ACVR1: variants seen among roughly 807,000 people sequenced by gnomAD.
ACVR1 encodes the protein activin receptor type-1.
ACVR1 carries 38 observed loss-of-function variants against 57.1 expected under a neutral mutation model. That is an observed-to-expected ratio of 0.67 (90% CI 0.51 to 0.87). The LOEUF is 0.87. Among genes scored for constraint, ACVR1 ranks in the 40% least tolerant of loss-of-function variants. The pLI, the probability that ACVR1 is intolerant of heterozygous loss-of-function variation, is 0.00. For synonymous variants in ACVR1, 212 were observed against 228.1 expected (o/e 0.93, Z 0.63); for missense variants, 463 against 638.2 (o/e 0.73, Z 2.96).
chr2:157,832,260 C>A (rs1354396587), intron 1 of ACVR1, among the ~76,000 whole-genome samples: 1 of 152,124 alleles, frequency 6.6e-6, no homozygotes, highest in Non-Finnish European at 1.5e-5. Context: ...AAATCACCGC[C>A]AACTTCAGAC....
chr2:157,826,770 GGAAA>G (rs1688385726), intron 1 of ACVR1: 4 of 71,756 alleles, frequency 5.6e-5, no homozygotes, highest in Admixed American at 3.3e-4. Flanking sequence ...GGAAAGGAAA[GGAAA>G]GGAAAGGAAA....
intron 9 of ACVR1, among the ~76,000 whole-genome samples, chr2:157,741,636 A>G (rs1429999158): frequency 6.6e-6 from 1 of 151,934 alleles, no homozygotes; most frequent in African/African-American, 2.4e-5. Context: ...AAAAGAAAAA[A>G]AAAAAAGAAA....
chr2:157,853,774 C>G (rs761727584), intron 1 of ACVR1, among the ~76,000 whole-genome samples: 15 of 152,194 alleles, frequency 9.9e-5, no homozygotes, highest in Non-Finnish European at 2.2e-4. Flanking sequence ...AGCTACAGTT[C>G]AACTAAACTA....
chr2:157,819,034 C>T (rs1393931349), intron 1 of ACVR1, among the ~76,000 whole-genome samples: 2 of 144,686 alleles, frequency 1.4e-5, no homozygotes, highest in Non-Finnish European at 3.0e-5. Flanking sequence ...GCCGAGATCC[C>T]GCCACTGCAC....
intron 5 of ACVR1, among the ~76,000 whole-genome samples, chr2:157,774,569 G>A (rs1686203659): frequency 6.6e-6 from 1 of 152,004 alleles, no homozygotes. Context: ...TCTCCATGTT[G>A]GTCAGGCTGG....
At chr2:157,840,566 T>C (rs1246028912) in intron 1 of ACVR1, among the ~76,000 whole-genome samples, 1 of 152,248 alleles carries the variant, frequency 6.6e-6, no homozygotes, top group Non-Finnish European at 1.5e-5. Context: ...CAAATCTAGA[T>C]ATTTGACCTG....
At chr2:157,814,126 G>A (rs934737815) in intron 2 of ACVR1, among the ~76,000 whole-genome samples, 8 of 152,160 alleles carry the variant, frequency 5.3e-5, no homozygotes, top group African/African-American at 1.9e-4. Context: ...ATTGTTGCTT[G>A]AATAAATTGG....
At chr2:157,738,043 A>G (rs1374645289) in intron 10 of ACVR1, among the ~76,000 whole-genome samples, 1 of 152,210 alleles carries the variant, frequency 6.6e-6, no homozygotes, top group East Asian at 1.9e-4. Flanking sequence ...GTAGCAATAC[A>G]GGATCTTCAG....
At chr2:157,811,563 C>G (rs576044226) in intron 2 of ACVR1, among the ~76,000 whole-genome samples, 32 of 152,308 alleles carry the variant, frequency 2.1e-4, no homozygotes, top group South Asian at 6.2e-4. Flanking sequence ...CAAAAATAAG[C>G]AGCCTTATTT....
At chr2:157,863,828 G>A (rs183734204) in intron 1 of ACVR1, among the ~76,000 whole-genome samples, 1 of 151,578 alleles carries the variant, frequency 6.6e-6, no homozygotes, top group Admixed American at 6.6e-5. Flanking sequence ...CTTTTAACTT[G>A]GAATCCAAAT....
chr2:157,838,095 CT>C (rs1559086829), intron 1 of ACVR1: 2 of 152,102 alleles, frequency 1.3e-5, no homozygotes, highest in African/African-American at 4.8e-5. Flanking sequence ...TTTTCCCCCC[CT>C]CCCCACACAC....
intron 1 of ACVR1, among the ~76,000 whole-genome samples, chr2:157,849,014 T>C (rs1044062239): frequency 2.6e-5 from 4 of 152,232 alleles, no homozygotes; most frequent in African/African-American, 7.2e-5. Context: ...GCAAATCCCA[T>C]TGGCTCTGTC....
At chr2:157,809,519 G>T (rs778860120) in intron 2 of ACVR1, among the ~76,000 whole-genome samples, 2 of 152,056 alleles carry the variant, frequency 1.3e-5, no homozygotes, top group Non-Finnish European at 2.9e-5. Context: ...CAGAAAACAA[G>T]GAGGAGACAG....
intron 1 of ACVR1, among the ~76,000 whole-genome samples, chr2:157,846,527 C>A (rs1035783156): frequency 6.6e-6 from 1 of 152,206 alleles, no homozygotes; most frequent in African/African-American, 2.4e-5. Flanking sequence ...CTTCCTAACT[C>A]AGATGCTTCA....
intron 9 of ACVR1, among the ~76,000 whole-genome samples, chr2:157,745,768 G>A (rs1317078319): frequency 6.6e-6 from 1 of 152,110 alleles, no homozygotes; most frequent in Non-Finnish European, 1.5e-5. Flanking sequence ...GGTAATTAAC[G>A]TCATGAAACA....
chr2:157,873,496 T>G (rs1690180502), intron 1 of ACVR1, among the ~76,000 whole-genome samples: 2 of 152,156 alleles, frequency 1.3e-5, no homozygotes, highest in Non-Finnish European at 2.9e-5. Context: ...GGGCATGAGA[T>G]CGCTTCACAT....
At chr2:157,746,947 T>G (rs1684988195) in intron 9 of ACVR1, among the ~76,000 whole-genome samples, 1 of 152,210 alleles carries the variant, frequency 6.6e-6, no homozygotes, top group Non-Finnish European at 1.5e-5. Context: ...AGGTTTATTA[T>G]TAGTAGCAAA....
chr2:157,737,073 T>G lies in ACVR1; in HGVS notation c.*458A>C. 7.3e-6 allele frequency: 2 copies of G among 274,088 alleles called. No homozygotes were observed. The highest frequency in any genetic ancestry group is 1.4e-5 in the Non-Finnish European group (2 of 145,510). The allele number at this position is 274,088 out of a possible 1,614,324, so 17.0% of individuals were successfully genotyped here. A position where few individuals can be genotyped will look rare whatever the true frequency, so the allele number is the denominator to read the frequency against. On this transcript the variant is annotated 3_prime_UTR_variant, in exon 11 of 11. Transcript: ENST00000434821. ...CAAGTTGGGTCTTTAAAATTAAGAG[T>G]AACAGTGCAAGTAAGGAATGCAAAG... is the stretch of plus-strand genomic sequence containing the variant.
chr2:157,741,278 A>C (rs1294216117), intron 9 of ACVR1, among the ~76,000 whole-genome samples: 1 of 152,126 alleles, frequency 6.6e-6, no homozygotes. Context: ...TGAGATCCTA[A>C]ATTGACTCAA....
Sources: gnomAD v4.1 joint callset for allele counts (sites outside exome capture counted in the v4.1 genomes callset) on GRCh38, gnomAD v4.1.1 for gene constraint, MANE v1.5 for transcripts, NCBI Gene and HGNC (gene_info 2026-07-23, HGNC 2026-07-21) for gene names.